Variants in OTOGL observed in about 807,000 individuals in gnomAD.
OTOGL encodes otogelin like.
A neutral mutation model predicts 318.5 loss-of-function variants in OTOGL; 285 were observed. The ratio of observed to expected loss-of-function variants is 0.89; its 90% CI spans 0.81 to 0.99. OTOGL has a LOEUF of 0.99. OTOGL is among the 50% of genes least tolerant of loss of function. OTOGL has a pLI of 0.00. For missense variants in OTOGL, 2,899 were observed against 2,845.6 expected (o/e 1.02, Z -0.43); for synonymous variants, 987 against 936.5 (o/e 1.05, Z -0.99).
intron 48 of OTOGL, 24 bp from the exon 49 acceptor site, chr12:80,356,783 T>C (rs557931892): frequency 1.7e-4 from 250 of 1,437,978 alleles, no homozygotes; most frequent in Admixed American, 3.6e-4. Flanking sequence ...ATACAAATTT[T>C]CTAATGTAAT....
At chr12:80,261,194 A>C (rs1255073579) in intron 18 of OTOGL, among the ~76,000 whole-genome samples, 1 of 152,126 alleles carries the variant, frequency 6.6e-6, no homozygotes, top group Non-Finnish European at 1.5e-5. Flanking sequence ...GAGTTAACAC[A>C]GTCAGGATTG....
At chr12:80,346,299 A>G (rs1253541510) in intron 44 of OTOGL, among the ~76,000 whole-genome samples, 1 of 152,128 alleles carries the variant, frequency 6.6e-6, no homozygotes, top group Non-Finnish European at 1.5e-5. Context: ...ACTCTAATCA[A>G]CCTTGAGATA....
At position 80,222,107 on chromosome 12, in the gene OTOGL, C is replaced by T. The variant is rs749811606; in HGVS notation, c.351C>T (p.Asn117=). ...TRCQIIPNMG[N]GRDGICKTWG... ...TCTTTTCAGTCCCAAACATGGGCAA[C>T]GGCAGAGATGGGATTTGTAAAACCT... Residue 117 remains asparagine, a synonymous_variant, in exon 7 of 59, where the codon AAC becomes AAT. Transcript: ENST00000547103. The T allele has an allele frequency of 4.2e-5, 67 of 1,597,746 alleles. No individual in the cohort carries two copies. Among genetic ancestry groups the T allele is most frequent in the African/African-American group, 2.0e-4 (15 of 74,806 alleles).
intron 1 of OTOGL, among the ~76,000 whole-genome samples, chr12:80,108,719 TC>T (rs911592342): frequency 4.0e-5 from 6 of 148,252 alleles, no homozygotes; most frequent in Non-Finnish European, 8.9e-5. Context: ...CCACCTCCTT[TC>T]TTTAGTAACA....
chr12:80,175,599 T>C (rs1245288875), intron 1 of OTOGL, among the ~76,000 whole-genome samples: 1 of 152,176 alleles, frequency 6.6e-6, no homozygotes, highest in African/African-American at 2.4e-5. Context: ...AAATTCTTCT[T>C]TTCATGCATC....
Position 80,377,853 on chromosome 12 carries a change from T to C in OTOGL, c.6867T>C (p.Asn2289=). The C allele has an allele frequency of 6.2e-7, 1 of 1,604,950 alleles. No homozygotes were observed. The highest frequency in any genetic ancestry group is 8.5e-7 in the Non-Finnish European group (1 of 1,173,104). The change falls in exon 59 of 59, where the codon AAT becomes AAC. Residue 2289 remains asparagine (N), a synonymous_variant. Coordinates refer to ENST00000547103, the MANE Select transcript of OTOGL (RefSeq NM_001378609.3). ...KQDCMSQSPI[N]VASCDGKCPS... is the part of the protein sequence containing the mutation. ...CTCATTGTCACTTCTTACAGATAAA[T>C]GTTGCATCTTGTGACGGCAAATGCC... is the stretch of plus-strand genomic sequence containing the variant.
chr12:80,111,375 T>C (rs1217759818), intron 1 of OTOGL, among the ~76,000 whole-genome samples: 1 of 152,198 alleles, frequency 6.6e-6, no homozygotes, highest in African/African-American at 2.4e-5. Flanking sequence ...GTTTTTATGG[T>C]TTTAGGTCTT....
At position 80,378,119 on chromosome 12, in the gene OTOGL, A is replaced by T; in HGVS notation, c.*71A>T. ...GAATTAACTTTTATTGCTATTACTT[A>T]GGCATGTGGCAGATTTATGCTGTTT... is the stretch of plus-strand genomic sequence containing the variant. On this transcript the variant is annotated 3_prime_UTR_variant, in exon 59 of 59. Coordinates refer to ENST00000547103, the MANE Select transcript of OTOGL (RefSeq NM_001378609.3). 3 of 1,175,126 alleles carry T rather than the reference A, an allele frequency of 2.6e-6. No individual in the cohort carries two copies. In the South Asian group the frequency reaches 4.5e-5, roughly 18 times the overall value. The allele number at this position is 1,175,126 out of a possible 1,614,324, so 72.8% of individuals were successfully genotyped here.
At chr12:80,352,480 T>A in intron 45 of OTOGL, 44 bp downstream of exon 45, 3 of 1,449,792 alleles carry the variant, frequency 2.1e-6, no homozygotes, top group Non-Finnish European at 2.8e-6. Context: ...TAAATAAATT[T>A]CACTTTTGCA....
At chr12:80,256,174 CT>C (rs2137521166) in intron 16 of OTOGL, among the ~76,000 whole-genome samples, 162 bp from the exon 17 acceptor site, 1 of 152,090 alleles carries the variant, frequency 6.6e-6, no homozygotes, top group African/African-American at 2.4e-5. Flanking sequence ...ATACTCAAGG[CT>C]TTTATATATT....
At chr12:80,272,701 T>G (rs1883508567) in intron 24 of OTOGL, among the ~76,000 whole-genome samples, 1 of 152,064 alleles carries the variant, frequency 6.6e-6, no homozygotes, top group South Asian at 2.1e-4. Flanking sequence ...GAGCGAGGTC[T>G]TGTGGTTTGT....
At chr12:80,213,524 G>A (rs1877436292) in intron 4 of OTOGL, among the ~76,000 whole-genome samples, 1 of 152,162 alleles carries the variant, frequency 6.6e-6, no homozygotes, top group South Asian at 2.1e-4. Context: ...ATTCAAGGTG[G>A]AACCACTCTG....
At chr12:80,241,462 TG>T (rs1219266493) in intron 11 of OTOGL, among the ~76,000 whole-genome samples, 8 of 151,774 alleles carry the variant, frequency 5.3e-5, no homozygotes, top group African/African-American at 1.9e-4. Flanking sequence ...TCTTTGTTGT[TG>T]TTTTTTTTCT....
intron 9 of OTOGL, 35 bp from the exon 10 acceptor site, chr12:80,238,816 T>TTGTGTG (rs143126749): frequency 1.5e-6 from 2 of 1,314,240 alleles, no homozygotes; most frequent in Non-Finnish European, 2.0e-6. Context: ...TTACACCTAT[T>TTGTGTG]TGTGTGTGTG....
intron 1 of OTOGL, among the ~76,000 whole-genome samples, chr12:80,145,534 G>A (rs745961046): frequency 0.065 from 9,778 of 151,424 alleles, 995 homozygotes; most frequent in African/African-American, 0.22. Context: ...TTGACTTGGC[G>A]ATGCGGGCTC....
intron 1 of OTOGL, among the ~76,000 whole-genome samples, chr12:80,168,305 T>G (rs1042262455): frequency 3.9e-5 from 6 of 152,000 alleles, no homozygotes; most frequent in African/African-American, 1.4e-4. Flanking sequence ...CATCCTAATG[T>G]TTTTTCATTT....
chr12:80,345,117 A>AC (rs1889095554), intron 44 of OTOGL, among the ~76,000 whole-genome samples: 1 of 47,662 alleles, frequency 2.1e-5, no homozygotes, highest in South Asian at 5.5e-4. Flanking sequence ...AATATATATT[A>AC]TTATGTTATA....
chr12:80,313,589 T>C lies in OTOGL; in HGVS notation c.3564T>C (p.Cys1188=). 6.2e-7 allele frequency: 1 copy of C among 1,613,100 alleles called. No individual in the cohort carries two copies. Residue 1188 remains cysteine, a synonymous_variant, in exon 31 of 59, where the codon TGT becomes TGC. Coordinates refer to ENST00000547103, the MANE Select transcript of OTOGL (RefSeq NM_001378609.3). ...TSIAAYAYKC[C]QEGISIHWRS... is the part of the protein sequence containing the mutation. ...TAGCTGCATATGCATACAAGTGTTGTCAGGAAGGAATATCAATTCATTGGA... is the reference window on the plus strand; with the variant it reads ...TAGCTGCATATGCATACAAGTGTTGCCAGGAAGGAATATCAATTCATTGGA...
intron 1 of OTOGL, among the ~76,000 whole-genome samples, chr12:80,150,045 G>T (rs1012532271): frequency 1.3e-5 from 2 of 152,174 alleles, no homozygotes; most frequent in Non-Finnish European, 2.9e-5. Flanking sequence ...CTGTAGACCG[G>T]AGCTGTTCCT....
Sources: allele counts gnomAD v4.1 joint callset (sites outside exome capture counted in the v4.1 genomes callset), GRCh38; gene constraint gnomAD v4.1.1; transcripts MANE v1.5; gene names NCBI Gene and HGNC (gene_info 2026-07-23, HGNC 2026-07-21).